STIM1: variants seen among roughly 807,000 people sequenced by gnomAD.
The protein encoded by STIM1 is stromal interaction molecule 1.
In STIM1, 25 loss-of-function variants were observed where a neutral mutation model predicts 74.7. That is an observed-to-expected ratio of 0.33 (90% confidence interval 0.24 to 0.47). The LOEUF (loss-of-function observed/expected upper bound fraction) is 0.47. Ranked by LOEUF, STIM1 falls within the 20% of genes least tolerant of loss-of-function variation. STIM1 has a pLI of 1.00. For missense variants in STIM1, 728 were observed against 920.8 expected, an observed-to-expected ratio of 0.79 and a Z score of 2.71; for synonymous variants, 328 against 348.8, an observed-to-expected ratio of 0.94 and a Z score of 0.66.
In STIM1 at chr11:4,024,064, G is replaced by T. The variant is rs1042777543; in HGVS notation, c.385+77G>T. 1.7e-5 allele frequency: 21 copies of T among 1,210,454 alleles called. 1 individual carries two copies. Among genetic ancestry groups the T allele is most frequent in the Non-Finnish European group, 2.4e-5 (20 of 825,078 alleles). 75.0% of individuals were successfully genotyped at this position (1,210,454 alleles called of 1,614,324 possible). ...GAGAAGCAGCAACTTGGCCTTAGAA[G>T]AACATGTATATAAAATGCTTAGTAA... On this transcript the variant is annotated intron_variant, in intron 3 of 12. Coordinates refer to ENST00000526596, the MANE Select transcript of STIM1 (RefSeq NM_001382567.1).
intron 3 of STIM1, among the ~76,000 whole-genome samples, chr11:4,048,693 G>C (rs182620669): frequency 6.6e-6 from 1 of 151,806 alleles, no homozygotes; most frequent in Non-Finnish European, 1.5e-5. Context: ...TTTGCTTTCT[G>C]TGTGTTTAAA....
chr11:3,930,182 C>T (rs925691267), intron 1 of STIM1, among the ~76,000 whole-genome samples: 4 of 152,152 alleles, frequency 2.6e-5, no homozygotes, highest in African/African-American at 9.7e-5. Flanking sequence ...TGTATTTGAC[C>T]TTCACTATAT....
intron 4 of STIM1, chr11:4,058,753 C>A: frequency 2.1e-6 from 2 of 970,116 alleles, no homozygotes; most frequent in Non-Finnish European, 2.5e-6. Context: ...AGGACTAATT[C>A]CATTTTTGTC....
At chr11:3,991,974 A>AAAAAAAAAAAG (rs2093617376) in intron 2 of STIM1, among the ~76,000 whole-genome samples, 20 of 44,484 alleles carry the variant, frequency 4.5e-4, no homozygotes, top group East Asian at 2.1e-3. Flanking sequence ...AAAAAAAAAG[A>AAAAAAAAAAAG]AAAAAAAAAA....
chr11:4,004,672 A>G (rs1421714319), intron 2 of STIM1, among the ~76,000 whole-genome samples: 2 of 150,222 alleles, frequency 1.3e-5, no homozygotes, highest in Non-Finnish European at 3.0e-5. Flanking sequence ...GGACATAGGC[A>G]TGGGCAAGGA....
At chr11:4,042,187 G>T (rs1365112919) in intron 3 of STIM1, among the ~76,000 whole-genome samples, 1 of 152,228 alleles carries the variant, frequency 6.6e-6, no homozygotes, top group Non-Finnish European at 1.5e-5. Flanking sequence ...ATCCCTGGAT[G>T]TATTGCTATA....
chr11:4,018,555 G>A (rs1460688682), intron 2 of STIM1, among the ~76,000 whole-genome samples: 2 of 149,134 alleles, frequency 1.3e-5, no homozygotes, highest in Non-Finnish European at 3.0e-5. Flanking sequence ...TGAGGCAGGA[G>A]AATTGCTTGA....
chr11:4,081,808 TC>T (rs2094467038), intron 7 of STIM1, among the ~76,000 whole-genome samples: 1 of 152,232 alleles, frequency 6.6e-6, no homozygotes, highest in Non-Finnish European at 1.5e-5. Flanking sequence ...CACTGTGATG[TC>T]TTGAAGTCTA....
At chr11:4,073,846 A>G (rs997664622) in intron 6 of STIM1, among the ~76,000 whole-genome samples, 4 of 152,310 alleles carry the variant, frequency 2.6e-5, no homozygotes, top group Non-Finnish European at 4.4e-5. Context: ...GTCCTTTGGC[A>G]TAAATTTAAT....
Position 4,023,992 on chromosome 11 carries a change from T to C in STIM1, c.385+5T>C. 1 of 1,611,050 alleles carries C rather than the reference T, an allele frequency of 6.2e-7. No individual in the cohort carries two copies. Among genetic ancestry groups the C allele is most frequent in the Non-Finnish European group, 8.5e-7 (1 of 1,177,404 alleles). ...AGGCATGGAAGTCATCAGAAGGTAATAGGCAGCCTGGTCATCAATCCTAGT... is the reference window on the plus strand; with the variant it reads ...AGGCATGGAAGTCATCAGAAGGTAACAGGCAGCCTGGTCATCAATCCTAGT... On this transcript the variant is annotated splice_donor_5th_base_variant and intron_variant, in intron 3 of 12. Transcript: ENST00000526596.
intron 2 of STIM1, among the ~76,000 whole-genome samples, chr11:4,004,134 A>G (rs1032804328): frequency 5.3e-5 from 8 of 152,260 alleles, no homozygotes; most frequent in Non-Finnish European, 8.8e-5. Context: ...ATGGGTAGGA[A>G]GAATCAATAT....
chr11:3,907,977 G>A (rs1300440344), intron 1 of STIM1, among the ~76,000 whole-genome samples: 1 of 152,088 alleles, frequency 6.6e-6, no homozygotes, highest in African/African-American at 2.4e-5. Context: ...TTTAAAAATA[G>A]CAATCCCTCC....
intron 12 of STIM1, 95 bp downstream of exon 12, chr11:4,086,638 G>A (rs777341133): frequency 3.3e-5 from 52 of 1,571,620 alleles, no homozygotes; most frequent in Non-Finnish European, 4.2e-5. Context: ...CAGTTCTGAA[G>A]GCTACGGGAC....
chr11:3,915,915 C>T (rs1436835752), intron 1 of STIM1, among the ~76,000 whole-genome samples: 1 of 151,954 alleles, frequency 6.6e-6, no homozygotes, highest in Admixed American at 6.6e-5. Flanking sequence ...AAGAATTAGC[C>T]AGGTTTCGTG....
intron 2 of STIM1, among the ~76,000 whole-genome samples, chr11:3,969,612 A>C (rs543704922): frequency 3.5e-4 from 53 of 152,344 alleles, no homozygotes; most frequent in African/African-American, 1.2e-3. Flanking sequence ...TTCCTGTATA[A>C]AAAGTAAAAT....
At chr11:4,014,242 A>G (rs1225866182) in intron 2 of STIM1, among the ~76,000 whole-genome samples, 1 of 152,138 alleles carries the variant, frequency 6.6e-6, no homozygotes, top group African/African-American at 2.4e-5. Flanking sequence ...AGATTCTGGT[A>G]TGTTGTGTCT....
At chr11:3,981,884 A>G (rs2093508430) in intron 2 of STIM1, among the ~76,000 whole-genome samples, 1 of 152,256 alleles carries the variant, frequency 6.6e-6, no homozygotes, top group African/African-American at 2.4e-5. Context: ...CCCAAAGGCT[A>G]TGTAGTAGAG....
chr11:3,961,952 A>G (rs1457705740), intron 1 of STIM1, among the ~76,000 whole-genome samples: 1 of 152,256 alleles, frequency 6.6e-6, no homozygotes, highest in Admixed American at 6.5e-5. Context: ...AACTCTATGT[A>G]TCATCTACAT....
Position 4,055,570 on chromosome 11 carries a change from T to C in STIM1, c.430T>C (p.Tyr144His). Reference protein sequence around the residue: ...VDEVVQWLITYVELPQYEETF... With the variant: ...VDEVVQWLITHVELPQYEETF... Reference sequence around the variant, plus strand: ...TGAGGTGGTACAGTGGCTGATCACATATGTGGAGCTGCCTCAGTATGAGGA... The same window carrying C: ...TGAGGTGGTACAGTGGCTGATCACACATGTGGAGCTGCCTCAGTATGAGGA... Residue 144 changes from tyrosine (Y) to histidine (H), a missense_variant, in exon 4 of 13, where the codon TAT (tyrosine) becomes CAT (histidine). Coordinates refer to ENST00000526596, the MANE Select transcript of STIM1 (RefSeq NM_001382567.1). 1.2e-6 allele frequency: 2 copies of C among 1,601,458 alleles called. No individual in the cohort carries two copies. The highest frequency in any genetic ancestry group is 1.7e-6 in the Non-Finnish European group (2 of 1,175,290).
Sources: allele counts gnomAD v4.1 joint callset (sites outside exome capture counted in the v4.1 genomes callset), GRCh38; gene constraint gnomAD v4.1.1; transcripts MANE v1.5; gene names NCBI Gene and HGNC (gene_info 2026-07-23, HGNC 2026-07-21).